The following B4GALNT4 variants were observed in gnomAD, a reference collection of about 807,000 sequenced individuals.
B4GALNT4 encodes beta-1,4-N-acetyl-galactosaminyltransferase 4.
In B4GALNT4, 77 loss-of-function variants were observed where a neutral mutation model predicts 110.0. That is an observed-to-expected ratio of 0.70 (90% confidence interval 0.58 to 0.85). B4GALNT4 has a LOEUF of 0.85. Among genes scored for constraint, B4GALNT4 ranks in the 40% least tolerant of loss-of-function variants. The pLI, the probability that B4GALNT4 is intolerant of heterozygous loss-of-function variation, is 0.00. For synonymous variants in B4GALNT4, 785 were observed against 655.5 expected (o/e 1.20, Z -3.02); for missense variants, 1,575 against 1,506.0 (o/e 1.05, Z -0.76).
At chr11:375,321 G>A (rs578129978) in intron 8 of B4GALNT4, 140 bp from the exon 9 acceptor site, 85 of 882,870 alleles carry the variant, frequency 9.6e-5, no homozygotes, top group African/African-American at 8.7e-4. Context: ...GGAACGCCCC[G>A]GACCCCTCTG....
chr11:380,261 G>A (rs765569353), intron 17 of B4GALNT4, 31 bp from the exon 18 acceptor site: 1 of 1,610,110 alleles, frequency 6.2e-7, no homozygotes, highest in South Asian at 1.1e-5. Flanking sequence ...GAGGAGCGGA[G>A]GGCGGGGCTC....
At position 380,151 on chromosome 11, in the gene B4GALNT4, C is replaced by A. The variant is rs766736545; in HGVS notation, c.2664C>A (p.Thr888=). ...CCAGGTACCAGTACCTGAGACGAAC[C>A]GGGAACTTCGAGCGCTCCGCCGGGC... The part of the protein sequence containing the change: ...RLPRYQYLRR[T]GNFERSAGLQ... Residue 888 remains threonine, a synonymous_variant, in exon 17 of 20, where the codon ACC becomes ACA. Coordinates refer to ENST00000329962, the MANE Select transcript of B4GALNT4 (RefSeq NM_178537.5). 26 of 1,603,756 alleles carry A rather than the reference C, an allele frequency of 1.6e-5. No homozygotes were observed. The highest frequency in any genetic ancestry group is 2.0e-5 in the Non-Finnish European group (24 of 1,173,036).
Position 380,964 on chromosome 11 carries a change from C to A in B4GALNT4, c.2996+13C>A. ...AGCTCCTGGACAGGTGACCACCTCC[C>A]CACTCCCCAGAGGTGACACCCTGAC... is the stretch of plus-strand genomic sequence containing the variant. On this transcript the variant is annotated intron_variant, in intron 19 of 19. Transcript: ENST00000329962. The A allele has an allele frequency of 6.2e-7, 1 of 1,609,318 alleles. No individual in the cohort carries two copies. The highest frequency in any genetic ancestry group is 2.2e-5 in the East Asian group (1 of 44,646).
At position 381,779 on chromosome 11, in the gene B4GALNT4, C is replaced by CG; in HGVS notation, c.3112dup (p.Ala1038GlyfsTer83). 1 of 1,581,334 alleles carries CG rather than the reference C, an allele frequency of 6.3e-7. No individual in the cohort carries two copies. The highest frequency in any genetic ancestry group is 1.9e-5 in the Admixed American group (1 of 53,416). On this transcript the variant is annotated frameshift_variant, in exon 20 of 20. Coordinates refer to ENST00000329962, the MANE Select transcript of B4GALNT4 (RefSeq NM_178537.5). LOFTEE classifies it high-confidence loss of function. ...GTCCGCAGCAGGAAGGGCTCTCGCACGGGGGCGTCTTGAGGACGGGCAGCC... is the reference window on the plus strand; with the variant it reads ...GTCCGCAGCAGGAAGGGCTCTCGCACGGGGGGCGTCTTGAGGACGGGCAGCC...
chr11:379,720 G>A lies in B4GALNT4; in HGVS notation c.2488+19G>A. On this transcript the variant is annotated intron_variant, in intron 15 of 19. Coordinates refer to ENST00000329962, the MANE Select transcript of B4GALNT4 (RefSeq NM_178537.5). ...GTGCCAGGTTCGCAGGGCGGGCTCG[G>A]GGTGTCCGGGAGACCTCGTGGAAGG... The A allele has an allele frequency of 6.7e-7, 1 of 1,501,550 alleles. No homozygotes were observed. 93.0% of individuals were successfully genotyped at this position (1,501,550 alleles called of 1,614,324 possible).
In B4GALNT4 at chr11:369,639, G is replaced by C. The variant is rs1418614664; in HGVS notation, c.-165G>C. ...GCCCGCGGCCGAGGGCGGCCTGGGGGGGTCGCGGCCGCACCCGGTGGCCGC... is the reference window on the plus strand; with the variant it reads ...GCCCGCGGCCGAGGGCGGCCTGGGGCGGTCGCGGCCGCACCCGGTGGCCGC... On this transcript the variant is annotated 5_prime_UTR_variant, in exon 1 of 20. Transcript: ENST00000329962. Among the ~76,000 whole-genome samples, 2 of 144,406 alleles carry C rather than the reference G, an allele frequency of 1.4e-5. No homozygotes were observed. The highest frequency in any genetic ancestry group is 4.2e-4 in the South Asian group (2 of 4,734). The allele number at this position is 144,406 out of a possible 152,430, so 94.7% of individuals were successfully genotyped here.
chr11:381,812 G>T lies in B4GALNT4; in HGVS notation c.*20G>T. ...TCTTGAGGACGGGCAGCCCCTCCCA[G>T]CCCCGGTGGGAGTCCCGAGGCAGCT... On this transcript the variant is annotated 3_prime_UTR_variant, in exon 20 of 20. Transcript: ENST00000329962. 1 of 1,557,914 alleles carries T rather than the reference G, an allele frequency of 6.4e-7. No homozygotes were observed. The highest frequency in any genetic ancestry group is 1.2e-5 in the South Asian group (1 of 85,032).
rs532026151 is a variant in B4GALNT4, at chr11:376,040, C to T, written c.1096-34C>T. On this transcript the variant is annotated intron_variant, in intron 11 of 19. Transcript: ENST00000329962. ...CCTTGGGAGGCCGCCCCGGGAGGTC[C>T]GCGCCCTGAGCCCTGCGCCCCCCCA... The T allele has an allele frequency of 8.7e-6, 14 of 1,601,618 alleles. No individual in the cohort carries two copies. In the African/African-American group the frequency reaches 1.1e-4, roughly 12 times the overall value.
chr11:373,321 C>G (rs532685017), intron 6 of B4GALNT4, 30 bp downstream of exon 6: 4 of 1,592,576 alleles, frequency 2.5e-6, no homozygotes, highest in Admixed American at 1.7e-5. Context: ...GGTGTCGTCC[C>G]GGGCCTCCTG....
intron 1 of B4GALNT4, among the ~76,000 whole-genome samples, chr11:371,553 T>G (rs1013710521): frequency 3.3e-5 from 5 of 152,232 alleles, no homozygotes; most frequent in Non-Finnish European, 4.4e-5. Flanking sequence ...AGGGCCACCC[T>G]CTGCTCCAGG....
Position 377,912 on chromosome 11 carries a change from A to T in B4GALNT4, c.2204+585A>T, listed in dbSNP as rs186048748. 2.1e-3 allele frequency among the ~76,000 whole-genome samples: 324 copies of T among 152,254 alleles called. 6 individuals are homozygous for T. The highest frequency in any genetic ancestry group is 7.5e-4 in the Non-Finnish European group (51 of 68,016). ...GCTGGTGGGCAGGAGTGGGGAGTCTAATTTGGCCTTGGGGAGGCCTGTGGA... is the reference window on the plus strand; with the variant it reads ...GCTGGTGGGCAGGAGTGGGGAGTCTTATTTGGCCTTGGGGAGGCCTGTGGA... On this transcript the variant is annotated intron_variant, in intron 14 of 19. Coordinates refer to ENST00000329962, the MANE Select transcript of B4GALNT4 (RefSeq NM_178537.5).
chr11:371,382 C>T (rs1846616590), intron 1 of B4GALNT4, among the ~76,000 whole-genome samples: 1 of 152,168 alleles, frequency 6.6e-6, no homozygotes, highest in Non-Finnish European at 1.5e-5. Context: ...GCTCTGCACC[C>T]CAGCCCTCTC....
Position 376,345 on chromosome 11 carries a change from C to T in B4GALNT4, c.1291C>T (p.Pro431Ser), listed in dbSNP as rs150370562. Residue 431 changes from proline (P) to serine (S), a missense_variant, in exon 13 of 20, where the codon CCG becomes TCG. Coordinates refer to ENST00000329962, the MANE Select transcript of B4GALNT4 (RefSeq NM_178537.5). The stretch of plus-strand genomic sequence containing the variant: ...GCGCCGAGCCTTCCTCTTCCTCAAC[C>T]CGGACGGTGAGTGTCCGCAGCGCCC... ...VQRRAFLFLN[P>S]DDFLDDEDEG... 2,465 of 1,607,928 alleles carry T rather than the reference C, an allele frequency of 1.5e-3. No homozygotes were observed. The highest frequency in any genetic ancestry group is 1.9e-3 in the Non-Finnish European group (2,216 of 1,177,468).
chr11:369,708 C>G lies in B4GALNT4; in HGVS notation c.-96C>G. On this transcript the variant is annotated 5_prime_UTR_variant, in exon 1 of 20. Coordinates refer to ENST00000329962, the MANE Select transcript of B4GALNT4 (RefSeq NM_178537.5). ...CATGCGGGGCCGCGGGCGCTGAGCG[C>G]GGCGGGGCGGGCCGGGGATGCGGCG... The G allele has an allele frequency of 1.6e-6, 1 of 612,004 alleles. No homozygotes were observed. Among genetic ancestry groups the G allele is most frequent in the Non-Finnish European group, 2.0e-6 (1 of 494,154 alleles). 37.9% of individuals were successfully genotyped at this position (612,004 alleles called of 1,614,324 possible).
intron 2 of B4GALNT4, 44 bp from the exon 3 acceptor site, chr11:372,618 C>A (rs761897703): frequency 6.6e-7 from 1 of 1,523,232 alleles, no homozygotes; most frequent in Non-Finnish European, 9.0e-7. Flanking sequence ...TGACCTCCTC[C>A]CTGCCCTTCC....
At chr11:375,322 G>A (rs1291890256) in intron 8 of B4GALNT4, 139 bp from the exon 9 acceptor site, 2 of 889,104 alleles carry the variant, frequency 2.2e-6, no homozygotes, top group Non-Finnish European at 3.7e-6. Context: ...GAACGCCCCG[G>A]ACCCCTCTGC....
chr11:378,046 T>C (rs1460418483), intron 14 of B4GALNT4, among the ~76,000 whole-genome samples: 1 of 152,142 alleles, frequency 6.6e-6, no homozygotes, highest in African/African-American at 2.4e-5. Flanking sequence ...GAACCGGGAC[T>C]GTTTCTCCTG....
Position 376,899 on chromosome 11 carries a change from G to T in B4GALNT4, c.1776G>T (p.Arg592=), listed in dbSNP as rs1256594780. 2.2e-6 allele frequency: 3 copies of T among 1,361,060 alleles called. No homozygotes were observed. The highest frequency in any genetic ancestry group is 2.8e-6 in the Non-Finnish European group (3 of 1,058,900). The allele number at this position is 1,361,060 out of a possible 1,614,324, so 84.3% of individuals were successfully genotyped here. Residue 592 remains arginine (R), a synonymous_variant, in exon 14 of 20, where the codon CGG becomes CGT. Transcript: ENST00000329962. ...CCACACAGCCGAGGCCCCCAGCCCGGGCGCAGGCCACCCAAGGGGGCCGGG... is the reference window on the plus strand; with the variant it reads ...CCACACAGCCGAGGCCCCCAGCCCGTGCGCAGGCCACCCAAGGGGGCCGGG... ...PQATQPRPPA[R]AQATQGGREG... is the part of the protein sequence containing the mutation.
chr11:380,044 G>A (rs1368073875), intron 16 of B4GALNT4, 25 bp downstream of exon 16: 3 of 1,607,468 alleles, frequency 1.9e-6, no homozygotes, highest in South Asian at 1.1e-5. Context: ...TTCCACCTGG[G>A]CGGACCCAGC....
Sources: allele counts gnomAD v4.1 joint callset (sites outside exome capture counted in the v4.1 genomes callset), GRCh38; gene constraint gnomAD v4.1.1; transcripts MANE v1.5; gene names NCBI Gene and HGNC (gene_info 2026-07-23, HGNC 2026-07-21).